Variants in LAMA1 observed in about 807,000 individuals in gnomAD.
LAMA1 encodes the protein laminin subunit alpha-1.
LAMA1 carries 219 observed loss-of-function variants against 348.7 expected under a neutral mutation model. The observed-to-expected ratio is 0.63, with a 90% CI of 0.56 to 0.70. The LOEUF (loss-of-function observed/expected upper bound fraction) is 0.70. Ranked by LOEUF, LAMA1 falls within the 30% of genes least tolerant of loss-of-function variation. The pLI, the probability that LAMA1 is intolerant of heterozygous loss-of-function variation, is 0.00. For missense variants in LAMA1, 3,744 were observed against 3,888.0 expected (o/e 0.96, Z 0.99); for synonymous variants, 1,487 against 1,491.0 (o/e 1.00, Z 0.06).
intron 3 of LAMA1, among the ~76,000 whole-genome samples, chr18:7,075,957 A>C (rs1222730530): frequency 6.6e-6 from 1 of 151,736 alleles, no homozygotes; most frequent in African/African-American, 2.4e-5. Context: ...AAAAGTACTG[A>C]TCCATAATGC....
At position 7,073,543 on chromosome 18, in the gene LAMA1, C is replaced by T. The variant is rs112103619; in HGVS notation, c.345+6432G>A. On this transcript the variant is annotated intron_variant, in intron 3 of 62. Coordinates refer to ENST00000389658, the MANE Select transcript of LAMA1 (RefSeq NM_005559.4). The stretch of plus-strand genomic sequence containing the variant: ...TTTGTGTGTGGCTTATTTCATTTAG[C>T]GTAATGTTTCCAGGGTACATACATG... Among the ~76,000 whole-genome samples, 838 of 152,242 alleles carry T rather than the reference C, an allele frequency of 5.5e-3. 6 individuals carry two copies. The highest frequency in any genetic ancestry group is 0.019 in the African/African-American group (787 of 41,538).
chr18:7,064,912 G>A (rs1467999204), intron 3 of LAMA1, among the ~76,000 whole-genome samples: 1 of 152,090 alleles, frequency 6.6e-6, no homozygotes, highest in Admixed American at 6.6e-5. Flanking sequence ...AACTGCACTG[G>A]ATCAGTCACT....
intron 48 of LAMA1, among the ~76,000 whole-genome samples, chr18:6,966,543 C>A (rs1244226914): frequency 2.0e-5 from 3 of 152,166 alleles, no homozygotes; most frequent in Non-Finnish European, 4.4e-5. Flanking sequence ...AAATACATTT[C>A]TTTACAGGAG....
chr18:6,949,843 C>T (rs2057538403), intron 58 of LAMA1, among the ~76,000 whole-genome samples: 1 of 152,180 alleles, frequency 6.6e-6, no homozygotes, highest in African/African-American at 2.4e-5. Flanking sequence ...GTGATAGGGG[C>T]CTGAATTCTG....
chr18:7,096,604 G>A (rs1322450563), intron 1 of LAMA1, among the ~76,000 whole-genome samples: 9 of 151,920 alleles, frequency 5.9e-5, no homozygotes, highest in African/African-American at 1.7e-4. Flanking sequence ...GCAATGAGCC[G>A]TGATCACACC....
intron 46 of LAMA1, among the ~76,000 whole-genome samples, chr18:6,973,863 C>T (rs775391944): frequency 6.6e-6 from 1 of 152,192 alleles, no homozygotes; most frequent in Non-Finnish European, 1.5e-5. Flanking sequence ...TCACTGCAGC[C>T]TTGACCTCCT....
intron 1 of LAMA1, among the ~76,000 whole-genome samples, chr18:7,096,494 A>ATT (rs1031165035): frequency 6.6e-6 from 1 of 151,358 alleles, no homozygotes; most frequent in East Asian, 1.9e-4. Context: ...CTGGGTAACA[A>ATT]TTTTTTTTTA....
At chr18:7,042,393 G>A in intron 8 of LAMA1, 143 bp from the exon 9 acceptor site, 1 of 659,058 alleles carries the variant, frequency 1.5e-6, no homozygotes. Context: ...TTAGGTTTGA[G>A]GAAGATAAGA....
chr18:7,016,702 C>T lies in LAMA1; in HGVS notation c.2809-31G>A, dbSNP rs374406460. On this transcript the variant is annotated intron_variant, in intron 20 of 62. Transcript: ENST00000389658. ...TCACCAAAGGGGGAGAAAGTGGAAA[C>T]CAACATACGTTTTAATAAATGACTC... is the stretch of plus-strand genomic sequence containing the variant. The T allele has an allele frequency of 1.8e-4, 282 of 1,582,140 alleles. 2 individuals carry two copies. In the South Asian group the frequency reaches 1.9e-3, roughly 11 times the overall value.
At chr18:7,069,438 T>A (rs186494754) in intron 3 of LAMA1, among the ~76,000 whole-genome samples, 29 of 152,350 alleles carry the variant, frequency 1.9e-4, no homozygotes, top group African/African-American at 6.3e-4. Context: ...AGAAGGCTGA[T>A]GCAGTAGCAG....
intron 1 of LAMA1, among the ~76,000 whole-genome samples, chr18:7,082,736 C>A (rs1447522751): frequency 6.6e-6 from 1 of 152,184 alleles, no homozygotes; most frequent in Non-Finnish European, 1.5e-5. Context: ...GTATTACATA[C>A]ATGCAATTAG....
rs770781051 is a variant in LAMA1 at position 6,999,641 on chromosome 18, A to G, written c.4470-3T>C. The G allele has an allele frequency of 6.2e-7, 1 of 1,607,654 alleles. No individual in the cohort carries two copies. The highest frequency in any genetic ancestry group is 1.1e-5 in the South Asian group (1 of 90,052). ...TCCCATAATAGCTTGAGGAGCACCT[A>G]CAGAAAGGAAGGGACATAGGTGCAG... is the stretch of plus-strand genomic sequence containing the variant. On this transcript the variant is annotated splice_region_variant and splice_polypyrimidine_tract_variant and intron_variant, in intron 31 of 62. Coordinates refer to ENST00000389658, the MANE Select transcript of LAMA1 (RefSeq NM_005559.4).
intron 33 of LAMA1, 96 bp downstream of exon 33, chr18:6,997,646 T>C (rs2057787726): frequency 1.5e-6 from 2 of 1,361,824 alleles, no homozygotes; most frequent in Middle Eastern, 1.9e-4. Flanking sequence ...GCTCTCACAA[T>C]GTGGGGAGGA....
Position 7,105,438 on chromosome 18 carries a change from CAAAA to C in LAMA1, c.61+12218_61+12221del, listed in dbSNP as rs1164562472. ...TCGGCGACAGAGTGAGACTTCATCT[CAAAA>C]AATAAATAAATAAATAAATAAATAA... On this transcript the variant is annotated intron_variant, in intron 1 of 62. Coordinates refer to ENST00000389658, the MANE Select transcript of LAMA1 (RefSeq NM_005559.4). Among the ~76,000 whole-genome samples the C allele has an allele frequency of 3.6e-3, 508 of 141,502 alleles. 9 individuals are homozygous for C. In the East Asian group the frequency reaches 0.057, roughly 16 times the overall value. 92.8% of individuals were successfully genotyped at this position (141,502 alleles called of 152,430 possible). A position where few individuals can be genotyped will look rare whatever the true frequency, so the allele number is the denominator to read the frequency against.
chr18:7,045,568 T>A (rs1340544377), intron 6 of LAMA1, among the ~76,000 whole-genome samples: 1 of 152,148 alleles, frequency 6.6e-6, no homozygotes, highest in East Asian at 1.9e-4. Flanking sequence ...TTTTTTAAAT[T>A]TTTTTATTGA....
chr18:6,988,424 G>A (rs4127403), intron 36 of LAMA1, among the ~76,000 whole-genome samples: 20,837 of 152,208 alleles, frequency 0.14, 2,935 homozygotes, highest in African/African-American at 0.36. Flanking sequence ...GTGCGTCAGC[G>A]TACTAAAAGC....
rs149576330 is a variant in LAMA1, at chr18:7,081,499, C to T, written c.62-1042G>A. ...ACACAAAGATACAGTTTTCAAAATG[C>T]TTTTCAAGTCATTATTGATCTTTGC... On this transcript the variant is annotated intron_variant, in intron 1 of 62. Coordinates refer to ENST00000389658, the MANE Select transcript of LAMA1 (RefSeq NM_005559.4). Among the ~76,000 whole-genome samples, 617 of 152,244 alleles carry T rather than the reference C, an allele frequency of 4.1e-3. 3 individuals are homozygous for T. Among genetic ancestry groups the T allele is most frequent in the African/African-American group, 0.014 (579 of 41,538 alleles).
At chr18:7,094,393 C>G (rs1472283149) in intron 1 of LAMA1, among the ~76,000 whole-genome samples, 2 of 145,042 alleles carry the variant, frequency 1.4e-5, no homozygotes, top group Non-Finnish European at 3.0e-5. Context: ...CGCCACTGCA[C>G]TCCAGCTTGG....
Position 7,023,260 on chromosome 18 carries a change from C to G in LAMA1, c.2605G>C (p.Glu869Gln). ...GTGTTCCCCAGGCACTTCAGGCACT[C>G]CCCGGTGACTGAGTCACAGTGACCA... ...EAGHCDSVTG[E>Q]CLKCLGNTDG... Residue 869 changes from glutamate to glutamine, a missense_variant, in exon 19 of 63, where the codon GAG becomes CAG. Around this residue, in one of 3 missense-constraint regions of LAMA1, gnomAD observed 1,529 missense variants for 1,689.4 expected, o/e 0.91. Coordinates refer to ENST00000389658, the MANE Select transcript of LAMA1 (RefSeq NM_005559.4). 6.2e-7 allele frequency: 1 copy of G among 1,614,102 alleles called. No homozygotes were observed. The highest frequency in any genetic ancestry group is 8.5e-7 in the Non-Finnish European group (1 of 1,180,022).
Sources: allele counts gnomAD v4.1 joint callset (sites outside exome capture counted in the v4.1 genomes callset), GRCh38; gene constraint gnomAD v4.1.1; regional missense constraint gnomAD v4.1.1; transcripts MANE v1.5; gene names NCBI Gene and HGNC (gene_info 2026-07-23, HGNC 2026-07-21).